The following SMC3 variants were observed in gnomAD, a reference collection of about 807,000 sequenced individuals.
The protein encoded by SMC3 is structural maintenance of chromosomes 3, also known as structural maintenance of chromosomes protein 3.
In SMC3, 20 loss-of-function variants were observed where a neutral mutation model predicts 171.8. The ratio of observed to expected loss-of-function variants is 0.12; its 90% CI spans 0.08 to 0.17. The LOEUF is 0.17. SMC3 is among the 10% of genes least tolerant of loss of function. SMC3 has a pLI of 1.00. For missense variants in SMC3, 543 were observed against 1,420.4 expected, an observed-to-expected ratio of 0.38 and a Z score of 9.93; for synonymous variants, 464 against 451.1, an observed-to-expected ratio of 1.03 and a Z score of -0.36.
chr10:110,595,917 C>CTTTTT (rs10639343), intron 18 of SMC3, among the ~76,000 whole-genome samples: 1,179 of 101,506 alleles, frequency 0.012, 80 homozygotes, highest in African/African-American at 0.039. Context: ...ACTGGAGGTT[C>CTTTTT]TTTTTTTTTT....
rs1861379193 is a variant in SMC3, at chr10:110,601,084, T to G, written c.2598T>G (p.Leu866=). 1 of 1,613,564 alleles carries G rather than the reference T, an allele frequency of 6.2e-7. No individual in the cohort carries two copies. The part of the protein sequence containing the change: ...GTVLTATTSE[L]EAINKRVKDT... ...TTCTCACAGCCACAACATCAGAACT[T>G]GAAGCCATCAATAAAAGAGTAAAAG... Residue 866 remains leucine (L), a synonymous_variant, in exon 23 of 29, where the codon CTT becomes CTG. Coordinates refer to ENST00000361804, the MANE Select transcript of SMC3 (RefSeq NM_005445.4).
intron 18 of SMC3, among the ~76,000 whole-genome samples, chr10:110,595,378 A>C (rs80190094): frequency 1.3e-5 from 2 of 152,090 alleles, no homozygotes; most frequent in African/African-American, 2.4e-5. Flanking sequence ...TTGCTTCCTC[A>C]TCATTGTTTA....
chr10:110,584,885 A>T (rs1233157743), intron 13 of SMC3, among the ~76,000 whole-genome samples: 1 of 152,250 alleles, frequency 6.6e-6, no homozygotes. Context: ...TTGGCCTCCC[A>T]AAGTGGTGGG....
In SMC3 at chr10:110,572,835, C is replaced by G. The variant is rs144394535; in HGVS notation, c.92-872C>G. 1.3e-4 allele frequency among the ~76,000 whole-genome samples: 20 copies of G among 152,196 alleles called. No individual in the cohort carries two copies. In the East Asian group the frequency reaches 3.5e-3, roughly 26 times the overall value. On this transcript the variant is annotated intron_variant, in intron 2 of 28. Coordinates refer to ENST00000361804, the MANE Select transcript of SMC3 (RefSeq NM_005445.4). ...GGTAATTCTCCTCCTTCCTTACCTA[C>G]TTATTTATCTTTTTATTATTGGTAT... is the stretch of plus-strand genomic sequence containing the variant.
intron 8 of SMC3, 103 bp downstream of exon 8, chr10:110,581,124 G>A: frequency 1.3e-6 from 1 of 755,486 alleles, no homozygotes; most frequent in South Asian, 1.4e-5. Flanking sequence ...GTATATGACA[G>A]CATTAGATAA....
chr10:110,573,802 T>G, intron 3 of SMC3, 57 bp downstream of exon 3: 2 of 1,129,638 alleles, frequency 1.8e-6, no homozygotes, highest in South Asian at 2.5e-5. Flanking sequence ...TTAGGGTAGA[T>G]TATTAAAATC....
In SMC3 at chr10:110,581,356, T is replaced by A. The variant is rs1283134602; in HGVS notation, c.547+335T>A. On this transcript the variant is annotated intron_variant, in intron 8 of 28. Transcript: ENST00000361804. ...CCTCAGCCTCCCTGAGTAGCTGGGA[T>A]TACAGGTGCCCACCACCATACTCAG... Among the ~76,000 whole-genome samples, 7 of 151,916 alleles carry A rather than the reference T, an allele frequency of 4.6e-5. No homozygotes were observed. In the East Asian group the frequency reaches 1.4e-3, roughly 29 times the overall value.
intron 2 of SMC3, among the ~76,000 whole-genome samples, chr10:110,571,513 A>G (rs1860871763): frequency 6.6e-6 from 1 of 152,192 alleles, no homozygotes; most frequent in African/African-American, 2.4e-5. Flanking sequence ...GATGCCTCCA[A>G]GCTTTTGGAT....
At chr10:110,601,564 T>C in intron 23 of SMC3, 73 bp from the exon 24 acceptor site, 1 of 1,500,804 alleles carries the variant, frequency 6.7e-7, no homozygotes, top group Non-Finnish European at 9.1e-7. Context: ...GGTTTGATCA[T>C]AAAAATCTAT....
intron 18 of SMC3, among the ~76,000 whole-genome samples, chr10:110,595,000 T>TTG (rs1189540444): frequency 6.6e-6 from 1 of 151,962 alleles, no homozygotes; most frequent in Non-Finnish European, 1.5e-5. Context: ...CTTTATTTTT[T>TTG]TTTTTTGAGA....
chr10:110,583,766 C>A, intron 11 of SMC3, 75 bp from the exon 12 acceptor site: 1 of 1,525,814 alleles, frequency 6.6e-7, no homozygotes, highest in Non-Finnish European at 8.9e-7. Context: ...AAGTTTTTTT[C>A]CTGAGAAAAC....
At chr10:110,590,037 G>A (rs771977798) in intron 15 of SMC3, 46 bp downstream of exon 15, 1 of 1,511,708 alleles carries the variant, frequency 6.6e-7, no homozygotes. Context: ...GAGTCATTGA[G>A]TTAATCGTTA....
chr10:110,577,609 A>AT (rs1428534743), intron 5 of SMC3, 117 bp downstream of exon 5: 1 of 767,262 alleles, frequency 1.3e-6, no homozygotes, highest in Non-Finnish European at 2.2e-6. Flanking sequence ...TTATATACTG[A>AT]TTTTATCTTA....
At chr10:110,593,857 G>A (rs937662160) in intron 18 of SMC3, among the ~76,000 whole-genome samples, 22 of 151,686 alleles carry the variant, frequency 1.5e-4, no homozygotes, top group African/African-American at 4.4e-4. Flanking sequence ...GTGTGGTGGC[G>A]CACACCTGTA....
In SMC3 at chr10:110,605,605, G is replaced by A. The variant is rs1325660817; in HGVS notation, c.*1303G>A. Among the ~76,000 whole-genome samples the A allele has an allele frequency of 6.6e-6, 1 of 152,130 alleles. No homozygotes were observed. The highest frequency in any genetic ancestry group is 2.4e-5 in the African/African-American group (1 of 41,446). On this transcript the variant is annotated 3_prime_UTR_variant, in exon 29 of 29. Transcript: ENST00000361804. ...TGAGTTTACTTTGGGTTTTCATTTT[G>A]ACTGGCTGAATCTTTAAATGTTCGG...
At chr10:110,580,224 T>G (rs2134722448) in intron 7 of SMC3, among the ~76,000 whole-genome samples, 1 of 152,260 alleles carries the variant, frequency 6.6e-6, no homozygotes, top group East Asian at 1.9e-4. Flanking sequence ...CATCCTTGGA[T>G]TTTGGTACCT....
intron 19 of SMC3, among the ~76,000 whole-genome samples, chr10:110,597,705 G>T (rs766073026): frequency 1.5e-4 from 23 of 152,224 alleles, no homozygotes; most frequent in Non-Finnish European, 2.1e-4. Context: ...CTGTCTTCCT[G>T]TGTTTGATAA....
chr10:110,575,525 C>T, intron 4 of SMC3, 122 bp downstream of exon 4: 1 of 785,306 alleles, frequency 1.3e-6, no homozygotes, highest in Non-Finnish European at 2.1e-6. Flanking sequence ...CACAATCTTT[C>T]TCATAAGTGT....
At position 110,599,412 on chromosome 10, in the gene SMC3, T is replaced by C. The variant is rs976285772; in HGVS notation, c.2269-242T>C. Among the ~76,000 whole-genome samples, 3 of 152,184 alleles carry C rather than the reference T, an allele frequency of 2.0e-5. 1 individual carries two copies. The highest frequency in any genetic ancestry group is 7.2e-5 in the African/African-American group (3 of 41,452). ...GCCCGGCAACTTTTTGTTCTTATAATATGCCTGAAGATTTTTGTATAGTTT... is the reference window on the plus strand; with the variant it reads ...GCCCGGCAACTTTTTGTTCTTATAACATGCCTGAAGATTTTTGTATAGTTT... On this transcript the variant is annotated intron_variant, in intron 20 of 28. Transcript: ENST00000361804.
Sources: gnomAD v4.1 joint callset for allele counts (sites outside exome capture counted in the v4.1 genomes callset) on GRCh38, gnomAD v4.1.1 for gene constraint, MANE v1.5 for transcripts, NCBI Gene and HGNC (gene_info 2026-07-23, HGNC 2026-07-21) for gene names.